SOS1: variants seen among roughly 807,000 people sequenced by gnomAD.
The protein encoded by SOS1 is son of sevenless homolog 1.
In SOS1, 25 loss-of-function variants were observed where a neutral mutation model predicts 157.6. That is an observed-to-expected ratio of 0.16 (90% CI 0.12 to 0.22). SOS1 has a LOEUF of 0.22. Ranked by LOEUF, SOS1 falls within the 10% of genes least tolerant of loss-of-function variation. The probability of loss-of-function intolerance (pLI) is 1.00; values close to 1 mark genes in which losing one functional copy is unlikely to be tolerated. For missense variants in SOS1, 1,237 were observed against 1,599.1 expected, an observed-to-expected ratio of 0.77 and a Z score of 3.86; for synonymous variants, 528 against 534.0, an observed-to-expected ratio of 0.99 and a Z score of 0.16.
In SOS1 at chr2:39,062,334, C is replaced by T. The variant is rs1450537753; in HGVS notation, c.214-3530G>A. 5.3e-5 allele frequency among the ~76,000 whole-genome samples: 8 copies of T among 150,656 alleles called. No individual in the cohort carries two copies. The East Asian group carries it at 1.6e-3, about 29-fold the overall frequency. On this transcript the variant is annotated intron_variant, in intron 2 of 22. Transcript: ENST00000402219. ...TCAGGAGGCTGAGGCACGAGAATCACTTGAACCTGGGAGGCGAAAGTTGCA... is the reference window on the plus strand; with the variant it reads ...TCAGGAGGCTGAGGCACGAGAATCATTTGAACCTGGGAGGCGAAAGTTGCA...
intron 22 of SOS1, among the ~76,000 whole-genome samples, chr2:38,986,667 C>T (rs1668569186): frequency 6.6e-6 from 1 of 151,848 alleles, no homozygotes; most frequent in South Asian, 2.1e-4. Context: ...AGGTCTTGCT[C>T]TGTTGCCAAG....
At chr2:39,078,458 G>A (rs1340416830) in intron 1 of SOS1, among the ~76,000 whole-genome samples, 1 of 152,012 alleles carries the variant, frequency 6.6e-6, no homozygotes, top group African/African-American at 2.4e-5. Context: ...ATTATTGGAG[G>A]AGTCCCCAAC....
intron 5 of SOS1, among the ~76,000 whole-genome samples, chr2:39,052,671 C>T (rs940561073): frequency 6.6e-6 from 1 of 152,202 alleles, no homozygotes; most frequent in Non-Finnish European, 1.5e-5. Flanking sequence ...GGTCATACCA[C>T]AGTTTGTTTA....
intron 6 of SOS1, among the ~76,000 whole-genome samples, chr2:39,046,008 G>A (rs1353018120): frequency 6.6e-6 from 1 of 152,116 alleles, no homozygotes; most frequent in Non-Finnish European, 1.5e-5. Context: ...CATTGCGCCA[G>A]GCCTAAAGTG....
intron 6 of SOS1, among the ~76,000 whole-genome samples, chr2:39,046,495 CTTTTTTTTTTT>C (rs201639147): frequency 4.8e-5 from 6 of 124,408 alleles, no homozygotes; most frequent in African/African-American, 2.0e-4. Flanking sequence ...GAGACAGTGT[CTTTTTTTTTTT>C]TTTTTTTTTT....
chr2:38,986,341 A>AC, intron 22 of SOS1, 26 bp from the exon 23 acceptor site: 2 of 1,573,794 alleles, frequency 1.3e-6, no homozygotes, highest in Non-Finnish European at 1.7e-6. Flanking sequence ...AATAAAATAC[A>AC]CATTTATTAA....
chr2:39,041,353 C>T (rs1173453489), intron 6 of SOS1, among the ~76,000 whole-genome samples: 1 of 152,156 alleles, frequency 6.6e-6, no homozygotes, highest in African/African-American at 2.4e-5. Flanking sequence ...ATTTATATAT[C>T]TTCATTGGAG....
At chr2:39,060,719 C>G (rs1344876552) in intron 2 of SOS1, among the ~76,000 whole-genome samples, 1 of 152,152 alleles carries the variant, frequency 6.6e-6, no homozygotes, top group African/African-American at 2.4e-5. Context: ...GCCACTGTGC[C>G]CGGCCTGTTT....
chr2:39,116,930 A>C (rs2148236301), intron 1 of SOS1, among the ~76,000 whole-genome samples: 1 of 152,272 alleles, frequency 6.6e-6, no homozygotes, highest in Middle Eastern at 3.4e-3. Context: ...CCTTAGCTTA[A>C]CATATATAAA....
chr2:38,991,125 C>G (rs1417753675), intron 20 of SOS1, among the ~76,000 whole-genome samples: 1 of 150,786 alleles, frequency 6.6e-6, no homozygotes, highest in East Asian at 2.0e-4. Context: ...TTAAGCTCCT[C>G]AACAGATGAT....
intron 1 of SOS1, among the ~76,000 whole-genome samples, chr2:39,119,960 C>T (rs932014140): frequency 6.6e-6 from 1 of 152,290 alleles, no homozygotes; most frequent in Admixed American, 6.5e-5. Flanking sequence ...TACTGGACAC[C>T]TAAAACGGTA....
chr2:38,989,656 T>A (rs1203460490), intron 20 of SOS1, among the ~76,000 whole-genome samples: 1 of 152,118 alleles, frequency 6.6e-6, no homozygotes, highest in Non-Finnish European at 1.5e-5. Context: ...TTAGTAAATA[T>A]TATTTTGAAA....
In SOS1 at chr2:38,985,595, T is replaced by C; in HGVS notation, c.*229A>G. ...GTCCCTTTATGATTTTCAGGTGCAA[T>C]CAGTTGTCCAATTCCTCTAGGTCGG... On this transcript the variant is annotated 3_prime_UTR_variant, in exon 23 of 23. Coordinates refer to ENST00000402219, the MANE Select transcript of SOS1 (RefSeq NM_005633.4). 1.9e-6 allele frequency: 1 copy of C among 516,136 alleles called. No individual in the cohort carries two copies. The highest frequency in any genetic ancestry group is 3.5e-6 in the Non-Finnish European group (1 of 287,588). The allele number at this position is 516,136 out of a possible 1,614,324, so 32.0% of individuals were successfully genotyped here.
intron 1 of SOS1, among the ~76,000 whole-genome samples, chr2:39,081,331 C>T (rs1013557021): frequency 5.9e-5 from 9 of 152,064 alleles, no homozygotes; most frequent in Non-Finnish European, 1.2e-4. Context: ...ACCAGCCTGG[C>T]CAACATGGTG....
At chr2:39,121,053 A>G, upstream of SOS1, 1 of 156,678 alleles carries the variant, frequency 6.4e-6, no homozygotes, top group Non-Finnish European at 1.4e-5. Flanking sequence ...CTCGCTACTG[A>G]GCATGCGCTG....
At chr2:39,032,771 G>A (rs939740936) in intron 8 of SOS1, among the ~76,000 whole-genome samples, 20 of 152,124 alleles carry the variant, frequency 1.3e-4, no homozygotes, top group Admixed American at 6.6e-5. Context: ...AGACCAGCCT[G>A]GCCTACATGG....
At chr2:39,033,244 G>A (rs1055347982) in intron 8 of SOS1, among the ~76,000 whole-genome samples, 3 of 143,216 alleles carry the variant, frequency 2.1e-5, no homozygotes, top group South Asian at 2.2e-4. Context: ...AAAAAGTGAT[G>A]AGAGTCTTGT....
At chr2:39,096,571 C>T (rs757742532) in intron 1 of SOS1, among the ~76,000 whole-genome samples, 1 of 152,142 alleles carries the variant, frequency 6.6e-6, no homozygotes, top group African/African-American at 2.4e-5. Flanking sequence ...CCAAAGAGAT[C>T]TGTATTTGAA....
In SOS1 at chr2:39,074,225, C is replaced by T. The variant is rs575195955; in HGVS notation, c.88-6472G>A. On this transcript the variant is annotated intron_variant, in intron 1 of 22. Coordinates refer to ENST00000402219, the MANE Select transcript of SOS1 (RefSeq NM_005633.4). ...ATTAGCCAGGTGCGGTGGTGCCCAC[C>T]TATAATCCCAGCTACTGGGGAGGCT... Among the ~76,000 whole-genome samples the T allele has an allele frequency of 7.9e-5, 12 of 152,184 alleles. No individual in the cohort carries two copies. In the East Asian group the frequency reaches 9.7e-4, roughly 12 times the overall value.
Sources: gnomAD v4.1 joint callset for allele counts (sites outside exome capture counted in the v4.1 genomes callset) on GRCh38, gnomAD v4.1.1 for gene constraint, MANE v1.5 for transcripts, NCBI Gene and HGNC (gene_info 2026-07-23, HGNC 2026-07-21) for gene names.